The following XPO6 variants were observed in gnomAD, a reference collection of about 807,000 sequenced individuals.
XPO6 encodes the protein exportin 6.
Under a neutral mutation model 130.0 loss-of-function variants are expected in XPO6, and 3 were observed. The ratio of observed to expected loss-of-function variants is 0.02; its 90% CI spans 0.01 to 0.06. XPO6 has a LOEUF of 0.06. XPO6 is among the 10% of genes least tolerant of loss of function. The pLI, the probability that XPO6 is intolerant of heterozygous loss-of-function variation, is 1.00. For missense variants in XPO6, 970 were observed against 1,393.0 expected (o/e 0.70, Z 4.83); for synonymous variants, 524 against 548.9 (o/e 0.95, Z 0.63).
chr16:28,192,097 T>C (rs2043795817), intron 1 of XPO6, among the ~76,000 whole-genome samples: 1 of 151,658 alleles, frequency 6.6e-6, no homozygotes, highest in Non-Finnish European at 1.5e-5. Flanking sequence ...CCATCTCTAA[T>C]AAAAATACAA....
intron 1 of XPO6, among the ~76,000 whole-genome samples, chr16:28,200,492 T>TC (rs554574470): frequency 3.2e-4 from 48 of 152,054 alleles, no homozygotes; most frequent in African/African-American, 9.4e-4. Context: ...TTTCTTTCTT[T>TC]TTTTTTTTGA....
chr16:28,117,516 C>T (rs575782151), intron 14 of XPO6, 54 bp from the exon 15 acceptor site: 8 of 1,582,482 alleles, frequency 5.1e-6, no homozygotes, highest in Middle Eastern at 3.4e-4. Context: ...AATATATTAG[C>T]GTTCAACTCA....
intron 7 of XPO6, chr16:28,154,266 A>AG (rs1434360990): frequency 4.1e-6 from 4 of 980,962 alleles, no homozygotes; most frequent in Admixed American, 6.2e-5. Context: ...AAAAAAAAAA[A>AG]AAAAAAAAAA....
Position 28,101,215 on chromosome 16 carries a change from T to C in XPO6, c.3276+243A>G. 1.7e-6 allele frequency: 1 copy of C among 578,310 alleles called. No homozygotes were observed. Among genetic ancestry groups the C allele is most frequent in the Non-Finnish European group, 3.1e-6 (1 of 320,228 alleles). The allele number at this position is 578,310 out of a possible 1,614,324, so 35.8% of individuals were successfully genotyped here. Reference sequence around the variant, plus strand: ...ATGGAGGGGCTGCAGAGCCAGGAACTCGGGACCTCCATGGCTGAGACTAAG... The same window carrying C: ...ATGGAGGGGCTGCAGAGCCAGGAACCCGGGACCTCCATGGCTGAGACTAAG... On this transcript the variant is annotated intron_variant, in intron 23 of 23. Coordinates refer to ENST00000304658, the MANE Select transcript of XPO6 (RefSeq NM_015171.4). This position sits in a 1 kb window ranked among gnomAD's most constrained non-coding sequence, Gnocchi z 5.4.
At chr16:28,105,730 TAC>T (rs2086761396) in intron 20 of XPO6, 1 of 281,876 alleles carries the variant, frequency 3.5e-6, no homozygotes, top group African/African-American at 2.1e-5. Flanking sequence ...AATAGGAAAG[TAC>T]ATATGTTAGA....
Position 28,101,620 on chromosome 16 carries a change from G to T in XPO6, c.3114C>A (p.Ser1038=). Residue 1038 remains serine (S), a synonymous_variant, in exon 23 of 24, where the codon TCC becomes TCA. Coordinates refer to ENST00000304658, the MANE Select transcript of XPO6 (RefSeq NM_015171.4). This position sits in a 1 kb window ranked among gnomAD's most constrained non-coding sequence, Gnocchi z 5.4. The part of the protein sequence containing the change: ...NVLLQVLVHK[S]HDLLQEEIGI... ...CAATCTCCTCCTGCAGAAGATCATG[G>T]GACTTGTGGACCAGGACCTGGAGCA... 1 of 1,614,118 alleles carries T rather than the reference G, an allele frequency of 6.2e-7. No individual in the cohort carries two copies. The highest frequency in any genetic ancestry group is 8.5e-7 in the Non-Finnish European group (1 of 1,179,940).
At chr16:28,162,763 C>T (rs1208993679) in intron 6 of XPO6, among the ~76,000 whole-genome samples, 3 of 151,720 alleles carry the variant, frequency 2.0e-5, no homozygotes, top group Non-Finnish European at 4.4e-5. Flanking sequence ...ACTATGTTGC[C>T]AACACAGGTC....
chr16:28,099,658 G>C (rs1014491844), intron 23 of XPO6, among the ~76,000 whole-genome samples: 1 of 152,210 alleles, frequency 6.6e-6, no homozygotes, highest in Non-Finnish European at 1.5e-5. Context: ...TCAGAGGCTT[G>C]TTAGAAGGCT....
At chr16:28,129,120 A>G (rs561637431) in intron 12 of XPO6, among the ~76,000 whole-genome samples, 1 of 152,308 alleles carries the variant, frequency 6.6e-6, no homozygotes, top group Admixed American at 6.5e-5. Flanking sequence ...ACAAAACTGC[A>G]ATTCCATACA....
chr16:28,180,804 C>A, intron 2 of XPO6, 137 bp downstream of exon 2: 2 of 613,290 alleles, frequency 3.3e-6, no homozygotes, highest in Non-Finnish European at 5.3e-6. Flanking sequence ...CACCAGCCAA[C>A]AGAACCAGAG....
chr16:28,137,317 G>A (rs539570410), intron 9 of XPO6, among the ~76,000 whole-genome samples: 1 of 152,308 alleles, frequency 6.6e-6, no homozygotes, highest in African/African-American at 2.4e-5. Flanking sequence ...TCTAGCCTTA[G>A]GGGTGAAGCC....
At chr16:28,163,328 ACT>A (rs2043306906) in intron 6 of XPO6, among the ~76,000 whole-genome samples, 1 of 152,078 alleles carries the variant, frequency 6.6e-6, no homozygotes, top group Non-Finnish European at 1.5e-5. Context: ...CTCAATTCAC[ACT>A]CTCTGATACA....
intron 15 of XPO6, among the ~76,000 whole-genome samples, chr16:28,114,841 G>A (rs2087014841): frequency 6.6e-6 from 1 of 152,186 alleles, no homozygotes; most frequent in African/African-American, 2.4e-5. Context: ...AAACCCTGCT[G>A]CTGCTTCATC....
At chr16:28,139,350 T>A (rs2042842212) in intron 9 of XPO6, among the ~76,000 whole-genome samples, 1 of 152,192 alleles carries the variant, frequency 6.6e-6, no homozygotes, top group South Asian at 2.1e-4. Context: ...ACTCCAAAAC[T>A]AAGAGAAAAT....
chr16:28,101,598 T>A lies in XPO6; in HGVS notation c.3136A>T (p.Ile1046Phe). The part of the protein sequence containing the change: ...HKSHDLLQEE[I>F]GIAIYNMASV... Reference sequence around the variant, plus strand: ...GCCATGTTGTAGATGGCGATGCCAATCTCCTCCTGCAGAAGATCATGGGAC... The same window carrying A: ...GCCATGTTGTAGATGGCGATGCCAAACTCCTCCTGCAGAAGATCATGGGAC... The change falls in exon 23 of 24, where the codon ATT becomes TTT. Residue 1046 changes from isoleucine to phenylalanine, a missense_variant. Physicochemically the swap from Ile to Phe is conservative, Grantham distance 21. Coordinates refer to ENST00000304658, the MANE Select transcript of XPO6 (RefSeq NM_015171.4). This position sits in a 1 kb window ranked among gnomAD's most constrained non-coding sequence, Gnocchi z 5.4. 1 of 1,614,160 alleles carries A rather than the reference T, an allele frequency of 6.2e-7. No individual in the cohort carries two copies. Among genetic ancestry groups the A allele is most frequent in the Non-Finnish European group, 8.5e-7 (1 of 1,180,036 alleles).
At chr16:28,190,512 G>C (rs2043769432) in intron 1 of XPO6, among the ~76,000 whole-genome samples, 1 of 152,082 alleles carries the variant, frequency 6.6e-6, no homozygotes, top group Non-Finnish European at 1.5e-5. Flanking sequence ...GCCTGAGCCA[G>C]CGTGCCCAGC....
intron 7 of XPO6, among the ~76,000 whole-genome samples, chr16:28,155,234 T>G (rs1015830988): frequency 1.3e-5 from 2 of 152,176 alleles, no homozygotes; most frequent in African/African-American, 4.8e-5. Flanking sequence ...ATTAGCAACT[T>G]TTGCTGCCAT....
intron 1 of XPO6, among the ~76,000 whole-genome samples, chr16:28,185,429 T>A (rs1044631904): frequency 1.3e-5 from 2 of 152,176 alleles, no homozygotes; most frequent in Non-Finnish European, 2.9e-5. Context: ...AGACTAGTGG[T>A]TACCTTGGAG....
intron 10 of XPO6, 129 bp from the exon 11 acceptor site, chr16:28,134,062 T>C (rs1490053866): frequency 7.2e-6 from 6 of 835,628 alleles, no homozygotes; most frequent in Non-Finnish European, 1.1e-5. Context: ...TCTGGTACTA[T>C]AAAAAGGCCA....
Sources: allele counts gnomAD v4.1 joint callset (sites outside exome capture counted in the v4.1 genomes callset), GRCh38; gene constraint gnomAD v4.1.1; non-coding constraint Gnocchi (gnomAD v3.1); transcripts MANE v1.5; gene names NCBI Gene and HGNC (gene_info 2026-07-23, HGNC 2026-07-21).